The following ZNF385D variants were observed in gnomAD, a reference collection of about 807,000 sequenced individuals.
The protein encoded by ZNF385D is zinc finger protein 659.
Under a neutral mutation model 35.8 loss-of-function variants are expected in ZNF385D, and 15 were observed. The ratio of observed to expected loss-of-function variants is 0.42; its 90% CI spans 0.28 to 0.64. The LOEUF (loss-of-function observed/expected upper bound fraction) is 0.64, where lower values mean the gene tolerates loss of function less well. Among genes scored for constraint, ZNF385D ranks in the 30% least tolerant of loss-of-function variants. The pLI is 0.23. For missense variants in ZNF385D, 474 were observed against 494.6 expected, an observed-to-expected ratio of 0.96 and a Z score of 0.39; for synonymous variants, 212 against 186.8, an observed-to-expected ratio of 1.13 and a Z score of -1.10.
chr3:22,001,630 C>T (rs1343916437), intron 3 of ZNF385D, among the ~76,000 whole-genome samples: 1 of 152,008 alleles, frequency 6.6e-6, no homozygotes, highest in South Asian at 2.1e-4. Flanking sequence ...ATGGATCTAA[C>T]AGACATTTAC....
At chr3:21,443,668 A>T (rs1465955815) in intron 4 of ZNF385D, among the ~76,000 whole-genome samples, 1 of 152,192 alleles carries the variant, frequency 6.6e-6, no homozygotes, top group East Asian at 1.9e-4. Context: ...AGTTCCATGC[A>T]AAAAGTAATC....
At chr3:22,241,247 G>T (rs966755074) in intron 2 of ZNF385D, among the ~76,000 whole-genome samples, 1 of 151,178 alleles carries the variant, frequency 6.6e-6, no homozygotes, top group South Asian at 2.2e-4. Context: ...CTGAAAGAAA[G>T]CTGAGTATGG....
At chr3:21,756,019 A>C (rs1478097248), upstream of ZNF385D, among the ~76,000 whole-genome samples, 1 of 152,176 alleles carries the variant, frequency 6.6e-6, no homozygotes, top group African/African-American at 2.4e-5. Flanking sequence ...AGGCCATTAG[A>C]AATACTTTGA....
At position 21,415,103 on chromosome 3, in the gene ZNF385D, A is replaced by C. The variant is rs1700543462; in HGVS notation, c.*6111T>G. The C allele has an allele frequency of 6.6e-6, 1 of 151,762 alleles. No individual in the cohort carries two copies. Among genetic ancestry groups the C allele is most frequent in the African/African-American group, 2.4e-5 (1 of 41,300 alleles). 9.4% of individuals were successfully genotyped at this position (151,762 alleles called of 1,614,324 possible). On this transcript the variant is annotated 3_prime_UTR_variant, in exon 8 of 8. Coordinates refer to ENST00000281523, the MANE Select transcript of ZNF385D (RefSeq NM_024697.3). ...TAACACACTTCACTATAGCTTTAAA[A>C]CTCTCTGACATCATTGTTTCTCAAT...
intron 3 of ZNF385D, among the ~76,000 whole-genome samples, chr3:21,535,304 C>A (rs911338872): frequency 6.6e-6 from 1 of 152,090 alleles, no homozygotes; most frequent in Non-Finnish European, 1.5e-5. Flanking sequence ...TTCTAGCACA[C>A]CTAATACATA....
At chr3:21,689,940 T>C (rs2067228181) in intron 1 of ZNF385D, among the ~76,000 whole-genome samples, 1 of 151,760 alleles carries the variant, frequency 6.6e-6, no homozygotes, top group Non-Finnish European at 1.5e-5. Context: ...TAGAAATATA[T>C]TTTGAATGAG....
chr3:21,718,449 T>C (rs190511756), intron 1 of ZNF385D, among the ~76,000 whole-genome samples: 31 of 152,352 alleles, frequency 2.0e-4, no homozygotes, highest in Admixed American at 5.9e-4. Context: ...CAAGGTATGA[T>C]AACAACGAAA....
chr3:21,525,626 G>A (rs1708176762), intron 3 of ZNF385D, among the ~76,000 whole-genome samples: 1 of 139,470 alleles, frequency 7.2e-6, no homozygotes, highest in Admixed American at 7.8e-5. Context: ...GGAGGTTGCA[G>A]AGAGCAGAGA....
At chr3:21,460,237 C>T in intron 4 of ZNF385D, among the ~76,000 whole-genome samples, 1 of 152,054 alleles carries the variant, frequency 6.6e-6, no homozygotes, top group East Asian at 1.9e-4. Context: ...GTGTCATATG[C>T]CCTGGCCTGC....
At chr3:22,065,451 T>C (rs1699892827) in intron 3 of ZNF385D, among the ~76,000 whole-genome samples, 2 of 152,238 alleles carry the variant, frequency 1.3e-5, no homozygotes, top group East Asian at 1.9e-4. Context: ...CTCTCTACAA[T>C]GGCAGGGTAG....
intron 3 of ZNF385D, among the ~76,000 whole-genome samples, chr3:21,972,885 T>G (rs553073239): frequency 6.6e-6 from 1 of 151,912 alleles, no homozygotes; most frequent in African/African-American, 2.4e-5. Context: ...ATCCAAAACC[T>G]GAATCGATGA....
intron 3 of ZNF385D, among the ~76,000 whole-genome samples, chr3:21,876,350 G>T (rs1395279780): frequency 6.6e-6 from 1 of 151,112 alleles, no homozygotes; most frequent in African/African-American, 2.4e-5. Flanking sequence ...AAACGGTATG[G>T]ATATAATCAT....
chr3:21,841,438 T>A (rs528804821), intron 3 of ZNF385D, among the ~76,000 whole-genome samples: 16 of 151,826 alleles, frequency 1.1e-4, no homozygotes, highest in Admixed American at 3.3e-4. Context: ...CATTTCATTT[T>A]AAAAAAAGTC....
Position 22,341,120 on chromosome 3 carries a change from G to T in ZNF385D, c.106+31330C>A, listed in dbSNP as rs1021230525. Among the ~76,000 whole-genome samples the T allele has an allele frequency of 3.9e-5, 6 of 152,150 alleles. 1 individual carries two copies. The South Asian group carries it at 1.2e-3, about 31-fold the overall frequency. ...TTATTCTGGTTCTGGAAACATCAAA[G>T]ATTTCAAGAAAGTTTATTTTCCTTG... is the stretch of plus-strand genomic sequence containing the variant. On this transcript the variant is annotated intron_variant, in intron 2 of 5. Transcript: ENST00000494108.
rs561254297 is a variant in ZNF385D at position 21,564,668 on chromosome 3, T to G, written c.182A>C (p.Lys61Thr). 1 of 1,572,742 alleles carries G rather than the reference T, an allele frequency of 6.4e-7. No individual in the cohort carries two copies. Among genetic ancestry groups the G allele is most frequent in the South Asian group, 1.2e-5 (1 of 83,240 alleles). The change falls in exon 3 of 8, where the codon AAA becomes ACA. Residue 61 changes from lysine to threonine, a missense_variant. Lys to Thr is a moderately conservative substitution (Grantham distance 78). Coordinates refer to ENST00000281523, the MANE Select transcript of ZNF385D (RefSeq NM_024697.3). ...PNFNAMDPIQKAVINHTFGVP... is the reference protein window; with the variant it reads ...PNFNAMDPIQTAVINHTFGVP... ...CCCGAATGTATGGTTTATTACAGCT[T>G]TCTGAATCGGGTCCATCTGTAATGA...
At chr3:21,828,604 G>A (rs1013653886) in intron 3 of ZNF385D, among the ~76,000 whole-genome samples, 5 of 152,188 alleles carry the variant, frequency 3.3e-5, no homozygotes, top group Admixed American at 1.3e-4. Flanking sequence ...CTGTGTGTCA[G>A]GCAGGTATGG....
At chr3:21,901,548 C>A (rs259483) in intron 3 of ZNF385D, among the ~76,000 whole-genome samples, 24,592 of 152,134 alleles carry the variant, frequency 0.16, 2,267 homozygotes, top group African/African-American at 0.2. Context: ...ATGCCAGGCA[C>A]TGTGATATAA....
At chr3:22,193,729 T>C (rs1199728373) in intron 2 of ZNF385D, among the ~76,000 whole-genome samples, 1 of 152,040 alleles carries the variant, frequency 6.6e-6, no homozygotes, top group Non-Finnish European at 1.5e-5. Context: ...AAGTCCAGGA[T>C]AAATATCCTT....
intron 3 of ZNF385D, among the ~76,000 whole-genome samples, chr3:21,910,449 T>G (rs777755944): frequency 8.6e-5 from 13 of 151,982 alleles, no homozygotes; most frequent in Non-Finnish European, 1.8e-4. Flanking sequence ...ATTTGAAATA[T>G]TAAGTCTTGT....
Sources: allele counts gnomAD v4.1 joint callset (sites outside exome capture counted in the v4.1 genomes callset), GRCh38; gene constraint gnomAD v4.1.1; transcripts MANE v1.5; gene names NCBI Gene and HGNC (gene_info 2026-07-23, HGNC 2026-07-21).